KYNU: variants seen among roughly 807,000 people sequenced by gnomAD.
KYNU encodes the protein kynureninase, also known as L-kynurenine hydrolase.
In KYNU, 54 loss-of-function variants were observed where a neutral mutation model predicts 59.2. That is an observed-to-expected ratio of 0.91 (90% CI 0.73 to 1.14). The LOEUF is 1.14. Among genes scored for constraint, KYNU ranks in the 50% most tolerant of loss-of-function variants. KYNU has a pLI of 0.00. For synonymous variants in KYNU, 177 were observed against 192.0 expected, an observed-to-expected ratio of 0.92 and a Z score of 0.65; for missense variants, 567 against 554.4, an observed-to-expected ratio of 1.02 and a Z score of -0.23.
intron 2 of KYNU, among the ~76,000 whole-genome samples, chr2:142,902,351 C>A (rs1467651877): frequency 1.3e-5 from 2 of 152,146 alleles, no homozygotes; most frequent in East Asian, 3.8e-4. Flanking sequence ...AACACTGAGT[C>A]TTGGGTTAAG....
At chr2:143,033,351 A>G (rs1402615090) in intron 12 of KYNU, 30 bp downstream of exon 12, 1 of 1,501,332 alleles carries the variant, frequency 6.7e-7, no homozygotes, top group East Asian at 2.3e-5. Flanking sequence ...ACCTTCCCAC[A>G]TCTTTGCGTT....
At chr2:142,973,762 G>A (rs758533254) in intron 8 of KYNU, among the ~76,000 whole-genome samples, 9 of 152,050 alleles carry the variant, frequency 5.9e-5, no homozygotes, top group Non-Finnish European at 1.0e-4. Context: ...CTCATTTTAC[G>A]TCAGGCTCTG....
At chr2:142,915,082 CA>C (rs752231558) in intron 2 of KYNU, among the ~76,000 whole-genome samples, 1 of 152,188 alleles carries the variant, frequency 6.6e-6, no homozygotes, top group Non-Finnish European at 1.5e-5. Flanking sequence ...AAATATACTG[CA>C]AAAGGGTCAT....
At chr2:143,036,340 C>T (rs975195712) in intron 12 of KYNU, among the ~76,000 whole-genome samples, 1 of 152,056 alleles carries the variant, frequency 6.6e-6, no homozygotes, top group African/African-American at 2.4e-5. Flanking sequence ...CTGCTGTGTC[C>T]AGTTCCAATG....
At position 142,910,246 on chromosome 2, in the gene KYNU, C is replaced by T. The variant is rs556650445; in HGVS notation, c.170-8363C>T. On this transcript the variant is annotated intron_variant, in intron 2 of 13. Transcript: ENST00000264170. ...CCACCTCCCAGGTTCAAGCGATTCT[C>T]TTGCCTCAGCCTCCCAAGTATCTGG... 4.8e-5 allele frequency among the ~76,000 whole-genome samples: 7 copies of T among 146,428 alleles called. No individual in the cohort carries two copies. The South Asian group carries it at 1.3e-3, about 28-fold the overall frequency.
rs1191397775 is a variant in KYNU at position 143,042,114 on chromosome 2, T to C, written c.1340T>C (p.Val447Ala). The C allele has an allele frequency of 1.2e-6, 2 of 1,610,830 alleles. No individual in the cohort carries two copies. Among genetic ancestry groups the C allele is most frequent in the African/African-American group, 2.7e-5 (2 of 74,748 alleles). ...CCTCTCTATAATTCTTTCCATGATG[T>C]TTATAAATTTACCAATCTGCTCACT... ...PVPLYNSFHD[V>A]YKFTNLLTSI... The change falls in exon 14 of 14, where the codon GTT becomes GCT. Residue 447 changes from valine (V) to alanine (A), a missense_variant. By Grantham distance (64) the Val-to-Ala change is moderately conservative. Coordinates refer to ENST00000264170, the MANE Select transcript of KYNU (RefSeq NM_003937.3).
chr2:142,878,194 CAG>C (rs1427121813), intron 1 of KYNU, among the ~76,000 whole-genome samples: 1 of 152,112 alleles, frequency 6.6e-6, no homozygotes, highest in Non-Finnish European at 1.5e-5. Flanking sequence ...TACTCTTGAA[CAG>C]AGTTTCTTCC....
Position 143,043,397 on chromosome 2 carries a change from C to T in KYNU, c.*1225C>T, listed in dbSNP as rs1421641052. 2 of 151,406 alleles carry T rather than the reference C, an allele frequency of 1.3e-5. No individual in the cohort carries two copies. Among genetic ancestry groups the T allele is most frequent in the African/African-American group, 4.9e-5 (2 of 41,222 alleles). 9.4% of individuals were successfully genotyped at this position (151,406 alleles called of 1,614,324 possible). ...TGACAAAATAGTGTAGATTTGTATA[C>T]ATAGTCAACAAAAAGAGTGACATAA... is the stretch of plus-strand genomic sequence containing the variant. On this transcript the variant is annotated 3_prime_UTR_variant, in exon 14 of 14. Coordinates refer to ENST00000264170, the MANE Select transcript of KYNU (RefSeq NM_003937.3).
rs1157603427 is a variant in KYNU at position 143,051,068 on chromosome 2, G to T, written c.*8896G>T. On this transcript the variant is annotated 3_prime_UTR_variant, in exon 14 of 14. Transcript: ENST00000264170. ...TTATTTTTAATTTCAGCAAGATTTA[G>T]TCTCAAATAACACAATAATAATGGA... 6.6e-6 allele frequency: 1 copy of T among 152,152 alleles called. No individual in the cohort carries two copies. Among genetic ancestry groups the T allele is most frequent in the South Asian group, 2.1e-4 (1 of 4,832 alleles). 9.4% of individuals were successfully genotyped at this position (152,152 alleles called of 1,614,324 possible).
intron 10 of KYNU, among the ~76,000 whole-genome samples, chr2:143,016,813 T>C (rs1345534350): frequency 1.3e-5 from 2 of 152,200 alleles, no homozygotes; most frequent in East Asian, 3.9e-4. Flanking sequence ...TGTGTGATGC[T>C]GAGGTTTGGG....
At chr2:142,879,286 G>A (rs1024551247) in intron 1 of KYNU, among the ~76,000 whole-genome samples, 10 of 152,192 alleles carry the variant, frequency 6.6e-5, no homozygotes, top group Admixed American at 1.3e-4. Flanking sequence ...AAGTGGTGGA[G>A]TAGGGCAGGG....
intron 1 of KYNU, among the ~76,000 whole-genome samples, chr2:142,878,247 C>T (rs1010558009): frequency 6.6e-6 from 1 of 152,040 alleles, no homozygotes; most frequent in Admixed American, 6.6e-5. Context: ...AGTTGATACA[C>T]TTTTTAAAAA....
chr2:143,040,441 C>CGA lies in KYNU; in HGVS notation c.1056_1057dup (p.Thr353ArgfsTer3), dbSNP rs1558988770. The stretch of plus-strand genomic sequence containing the variant: ...CTCATTCCACAGATCTTTAAGCAAG[C>CGA]GACAATGAAGGCATTGCGGAAAAAA... On this transcript the variant is annotated frameshift_variant, in exon 13 of 14. Coordinates refer to ENST00000264170, the MANE Select transcript of KYNU (RefSeq NM_003937.3). LOFTEE classifies it high-confidence loss of function. 6.2e-7 allele frequency: 1 copy of CGA among 1,611,460 alleles called. No homozygotes were observed.
intron 11 of KYNU, among the ~76,000 whole-genome samples, chr2:143,032,880 C>T (rs1686797434): frequency 6.6e-6 from 1 of 152,112 alleles, no homozygotes; most frequent in Non-Finnish European, 1.5e-5. Context: ...TGCTCTCTCT[C>T]ATTGACATGG....
intron 3 of KYNU, 40 bp downstream of exon 3, chr2:142,918,769 C>CA (rs1682768132): frequency 1.3e-6 from 2 of 1,581,016 alleles, no homozygotes; most frequent in African/African-American, 1.3e-5. Flanking sequence ...ACATCTCATA[C>CA]AAAAATTTAC....
chr2:142,898,955 G>A (rs560643093), intron 2 of KYNU, among the ~76,000 whole-genome samples: 1 of 152,304 alleles, frequency 6.6e-6, no homozygotes, highest in Non-Finnish European at 1.5e-5. Flanking sequence ...ATCGGGAGCA[G>A]AAATGGGCAC....
chr2:142,978,771 G>A lies in KYNU; in HGVS notation c.730-6313G>A, dbSNP rs188904744. On this transcript the variant is annotated intron_variant, in intron 8 of 13. Coordinates refer to ENST00000264170, the MANE Select transcript of KYNU (RefSeq NM_003937.3). ...TGCATACCATCTATATATCAGCCCC[G>A]GGTATAGTGACAAATATCTTATCTT... is the stretch of plus-strand genomic sequence containing the variant. Among the ~76,000 whole-genome samples, 574 of 152,084 alleles carry A rather than the reference G, an allele frequency of 3.8e-3. 7 individuals are homozygous for A. The highest frequency in any genetic ancestry group is 0.013 in the African/African-American group (548 of 41,490).
chr2:142,988,963 T>G, intron 10 of KYNU: 2 of 1,313,284 alleles, frequency 1.5e-6, no homozygotes, highest in Non-Finnish European at 2.2e-6. Context: ...TTGCTGAAAC[T>G]TAACTTTGTG....
intron 4 of KYNU, among the ~76,000 whole-genome samples, chr2:142,937,195 TA>T (rs927734426): frequency 6.6e-6 from 1 of 152,158 alleles, no homozygotes; most frequent in Non-Finnish European, 1.5e-5. Context: ...TTTGCTGGTG[TA>T]CCCTGCTGAT....
Sources: allele counts gnomAD v4.1 joint callset (sites outside exome capture counted in the v4.1 genomes callset), GRCh38; gene constraint gnomAD v4.1.1; transcripts MANE v1.5; gene names NCBI Gene and HGNC (gene_info 2026-07-23, HGNC 2026-07-21).